The following BCAS3 variants were observed in gnomAD, a reference collection of about 807,000 sequenced individuals.
The protein encoded by BCAS3 is BCAS4/BCAS3 fusion.
A neutral mutation model predicts 116.1 loss-of-function variants in BCAS3; 53 were observed. The observed-to-expected ratio is 0.46, with a 90% confidence interval of 0.37 to 0.57. The LOEUF (loss-of-function observed/expected upper bound fraction) is 0.57, where lower values mean the gene tolerates loss of function less well. Ranked by LOEUF, BCAS3 falls within the 20% of genes least tolerant of loss-of-function variation. The probability of loss-of-function intolerance (pLI) is 0.00; values close to 1 mark genes in which losing one functional copy is unlikely to be tolerated. For missense variants in BCAS3, 917 were observed against 1,165.4 expected (o/e 0.79, Z 3.10); for synonymous variants, 391 against 408.2 (o/e 0.96, Z 0.51).
chr17:60,762,514 G>A (rs1274359994), intron 6 of BCAS3, among the ~76,000 whole-genome samples: 1 of 152,096 alleles, frequency 6.6e-6, no homozygotes, highest in Non-Finnish European at 1.5e-5. Context: ...GGTTGTAGAT[G>A]TGTGTTGTTA....
chr17:60,741,477 G>A (rs1174562830), intron 5 of BCAS3, among the ~76,000 whole-genome samples: 1 of 152,178 alleles, frequency 6.6e-6, no homozygotes, highest in African/African-American at 2.4e-5. Context: ...GCTTAATCGA[G>A]TCCTTGAATC....
intron 13 of BCAS3, among the ~76,000 whole-genome samples, chr17:60,943,403 T>G (rs1157119001): frequency 1.3e-5 from 2 of 152,066 alleles, no homozygotes; most frequent in African/African-American, 2.4e-5. Flanking sequence ...ATATATACCA[T>G]GCAAGTACCA....
intron 6 of BCAS3, among the ~76,000 whole-genome samples, chr17:60,747,952 CCTT>C (rs199545424): frequency 0.031 from 4,776 of 152,078 alleles, 226 homozygotes; most frequent in African/African-American, 0.1. Flanking sequence ...ACGCCTGACT[CCTT>C]AATACTTTGA....
intron 6 of BCAS3, among the ~76,000 whole-genome samples, chr17:60,784,195 G>T (rs929442386): frequency 1.3e-5 from 2 of 149,936 alleles, no homozygotes; most frequent in Non-Finnish European, 3.0e-5. Flanking sequence ...TTGGGAATAC[G>T]CAGGAAAGAA....
intron 22 of BCAS3, among the ~76,000 whole-genome samples, chr17:61,250,512 C>T (rs1257150799): frequency 6.6e-6 from 1 of 152,100 alleles, no homozygotes; most frequent in East Asian, 1.9e-4. Flanking sequence ...GCCGTAATAT[C>T]CAGTGAGTCA....
chr17:61,212,397 C>G (rs947660885), intron 22 of BCAS3, among the ~76,000 whole-genome samples: 2 of 151,992 alleles, frequency 1.3e-5, no homozygotes, highest in African/African-American at 4.8e-5. Flanking sequence ...GCCACCACGC[C>G]CAGCCTTGAA....
rs923995578 is a variant in BCAS3 at position 61,363,395 on chromosome 17, A to G, written c.2426-4932A>G. ...CTTAGAAAATAGTATTCAGGGCAGG[A>G]GGCAGCCCTGAAAGGCAAGAATCCC... is the stretch of plus-strand genomic sequence containing the variant. On this transcript the variant is annotated intron_variant, in intron 22 of 23. Transcript: ENST00000407086. This position sits in a 1 kb window ranked among gnomAD's most constrained non-coding sequence, Gnocchi z 4.9. Among the ~76,000 whole-genome samples the G allele has an allele frequency of 6.6e-6, 1 of 152,122 alleles. No individual in the cohort carries two copies. The highest frequency in any genetic ancestry group is 1.5e-5 in the Non-Finnish European group (1 of 68,022).
chr17:60,822,773 G>T (rs2050074535), intron 7 of BCAS3, among the ~76,000 whole-genome samples: 1 of 152,142 alleles, frequency 6.6e-6, no homozygotes, highest in Admixed American at 6.5e-5. Flanking sequence ...ACTTGAATCT[G>T]AGCTTCTTTG....
At chr17:61,035,582 CAA>C (rs61144658) in intron 17 of BCAS3, among the ~76,000 whole-genome samples, 14 of 65,284 alleles carry the variant, frequency 2.1e-4, no homozygotes, top group African/African-American at 1.9e-4. Context: ...GACTCCATCT[CAA>C]AAAAAAAAAA....
chr17:60,704,057 G>GAA, intron 4 of BCAS3, among the ~76,000 whole-genome samples: 1 of 152,234 alleles, frequency 6.6e-6, no homozygotes, highest in African/African-American at 2.4e-5. Flanking sequence ...TTTAATGCCA[G>GAA]AAAAGGGTGG....
chr17:60,992,189 T>TCCACACACAC lies in BCAS3; in HGVS notation c.1486+1954_1486+1955insCCACACACAC, dbSNP rs1555654103. 5.4e-5 allele frequency among the ~76,000 whole-genome samples: 7 copies of TCCACACACAC among 130,652 alleles called. No homozygotes were observed. In the East Asian group the frequency reaches 1.1e-3, roughly 20 times the overall value. 85.7% of individuals were successfully genotyped at this position (130,652 alleles called of 152,430 possible). On this transcript the variant is annotated intron_variant, in intron 15 of 23. Coordinates refer to ENST00000407086, the MANE Select transcript of BCAS3 (RefSeq NM_017679.5). ...CATTCTTTCGTAGTATCCGATGACT[T>TCCACACACAC]ACACACACACACACACACACACACA...
Position 61,324,325 on chromosome 17 carries a change from G to A in BCAS3, c.2426-44002G>A, listed in dbSNP as rs557108704. On this transcript the variant is annotated intron_variant, in intron 22 of 23. Transcript: ENST00000407086. This position sits in a 1 kb window ranked among gnomAD's most constrained non-coding sequence, Gnocchi z 4.6. ...TAATATGTGAGGTGATCACACAGAG[G>A]ATACTAGAACTAGGATTAGACTAAG... 3.9e-5 allele frequency among the ~76,000 whole-genome samples: 6 copies of A among 152,296 alleles called. No individual in the cohort carries two copies. In the South Asian group the frequency reaches 1.0e-3, roughly 26 times the overall value.
At chr17:61,155,469 C>A (rs2077778290) in intron 22 of BCAS3, among the ~76,000 whole-genome samples, 1 of 145,898 alleles carries the variant, frequency 6.9e-6, no homozygotes, top group African/African-American at 2.5e-5. Context: ...TTTAATCAAG[C>A]TTAAATAACA....
intron 22 of BCAS3, among the ~76,000 whole-genome samples, chr17:61,166,357 G>A (rs1026118297): frequency 3.0e-5 from 4 of 135,464 alleles, no homozygotes; most frequent in South Asian, 2.4e-4. Flanking sequence ...TTTTCTAAAC[G>A]TTTTATTATT....
rs1025646317 is a variant in BCAS3, at chr17:61,347,492, C to G, written c.2426-20835C>G. ...CCTTCTTCCTGCTAGGTGCCAGGAA[C>G]TGAGGCACTGTGCTGTGCACTGGGG... On this transcript the variant is annotated intron_variant, in intron 22 of 23. Transcript: ENST00000407086. This position sits in a 1 kb window ranked among gnomAD's most constrained non-coding sequence, Gnocchi z 4.3. Among the ~76,000 whole-genome samples, 5 of 152,250 alleles carry G rather than the reference C, an allele frequency of 3.3e-5. No individual in the cohort carries two copies. In the East Asian group the frequency reaches 9.6e-4, roughly 29 times the overall value.
rs1310775623 is a variant in BCAS3 at position 61,285,537 on chromosome 17, C to T, written c.2426-82790C>T. The stretch of plus-strand genomic sequence containing the variant: ...GAAAATGTTTACTCCTCTAATTAAG[C>T]AGAATTAAGGTCTGGGCTCAAAACT... On this transcript the variant is annotated intron_variant, in intron 22 of 23. Transcript: ENST00000407086. This position sits in a 1 kb window ranked among gnomAD's most constrained non-coding sequence, Gnocchi z 5.4. Among the ~76,000 whole-genome samples, 1 of 152,110 alleles carries T rather than the reference C, an allele frequency of 6.6e-6. No individual in the cohort carries two copies. The highest frequency in any genetic ancestry group is 1.5e-5 in the Non-Finnish European group (1 of 68,030).
chr17:60,910,517 C>A lies in BCAS3; in HGVS notation c.823-15C>A. 1 of 1,567,812 alleles carries A rather than the reference C, an allele frequency of 6.4e-7. No individual in the cohort carries two copies. The highest frequency in any genetic ancestry group is 1.9e-5 in the Admixed American group (1 of 52,358). ...TACTGATGTGAAGTCATACATTTTA[C>A]CTTTCATTGTACAGACATTGAAAAG... On this transcript the variant is annotated splice_polypyrimidine_tract_variant and intron_variant, in intron 11 of 23. Transcript: ENST00000407086.
intron 22 of BCAS3, among the ~76,000 whole-genome samples, chr17:61,232,929 C>T (rs1190328551): frequency 1.3e-5 from 2 of 152,060 alleles, no homozygotes; most frequent in East Asian, 1.9e-4. Context: ...ATTATGTTGC[C>T]GGCATCAGTT....
At chr17:61,177,201 A>G (rs981578708) in intron 22 of BCAS3, among the ~76,000 whole-genome samples, 1 of 152,224 alleles carries the variant, frequency 6.6e-6, no homozygotes, top group Admixed American at 6.5e-5. Flanking sequence ...CCATTCCTAA[A>G]TATTTAACCA....
Sources: allele counts gnomAD v4.1 joint callset (sites outside exome capture counted in the v4.1 genomes callset), GRCh38; gene constraint gnomAD v4.1.1; non-coding constraint Gnocchi (gnomAD v3.1); transcripts MANE v1.5; gene names NCBI Gene and HGNC (gene_info 2026-07-23, HGNC 2026-07-21).